The following PUDP variants were observed in gnomAD, a reference collection of about 807,000 sequenced individuals.
The protein encoded by PUDP is pseudouridine-5'-phosphatase.
In PUDP, 8 loss-of-function variants were observed where a neutral mutation model predicts 9.4. The observed-to-expected ratio is 0.85, with a 90% confidence interval of 0.50 to 1.53. The LOEUF is 1.53. Ranked by LOEUF, PUDP falls within the 40% of genes most tolerant of loss-of-function variation. The pLI, the probability that PUDP is intolerant of heterozygous loss-of-function variation, is 0.00. For missense variants in PUDP, 188 were observed against 189.7 expected (o/e 0.99, Z 0.05); for synonymous variants, 99 against 80.7 (o/e 1.23, Z -1.22).
intron 3 of PUDP, among the ~76,000 whole-genome samples, chrX:6,756,303 T>C (rs752059032): frequency 2.4e-4 from 27 of 112,368 alleles, no homozygotes; most frequent in Admixed American, 2.3e-3. Context: ...GCACTACTTA[T>C]AGTAGCTTAA....
intron 1 of PUDP, among the ~76,000 whole-genome samples, chrX:6,712,140 T>G (rs1386260079): frequency 9.0e-6 from 1 of 111,633 alleles, no homozygotes. Context: ...ATTTTAATAT[T>G]TATCTATTTA....
intron 3 of PUDP, among the ~76,000 whole-genome samples, chrX:6,830,419 T>TA (rs1926487114): frequency 8.9e-6 from 1 of 112,208 alleles, no homozygotes; most frequent in African/African-American, 3.2e-5. Context: ...AATTATGTGG[T>TA]ACTCATATAT....
intron 2 of PUDP, among the ~76,000 whole-genome samples, chrX:7,105,039 C>T (rs186328795): frequency 9.0e-6 from 1 of 111,227 alleles, no homozygotes; most frequent in Non-Finnish European, 1.9e-5. Context: ...TCAGGCAAGC[C>T]CGTTCTGATT....
At chrX:7,142,107 A>G (rs1487984928) in intron 1 of PUDP, among the ~76,000 whole-genome samples, 5 of 112,226 alleles carry the variant, frequency 4.5e-5, no homozygotes, top group African/African-American at 1.6e-4. Context: ...CAGCCCATGG[A>G]TTGAGGAGTA....
intron 3 of PUDP, among the ~76,000 whole-genome samples, chrX:6,968,496 T>C (rs1928820773): frequency 9.0e-6 from 1 of 111,240 alleles, no homozygotes; most frequent in African/African-American, 3.3e-5. Flanking sequence ...GTCTGTGATC[T>C]GGAGAGCTGA....
chrX:7,072,429 AT>A (rs1816132285), intron 3 of PUDP, among the ~76,000 whole-genome samples: 2 of 112,075 alleles, frequency 1.8e-5, no homozygotes, highest in African/African-American at 6.5e-5. Flanking sequence ...AACAAAAATA[AT>A]TTTTTTAAAA....
chrX:6,734,901 G>A (rs1468668718), intron 3 of PUDP, among the ~76,000 whole-genome samples: 2 of 112,031 alleles, frequency 1.8e-5, no homozygotes, highest in Non-Finnish European at 3.8e-5. Context: ...GACAAATTAC[G>A]TATAGGAGGC....
intron 3 of PUDP, 104 bp from the exon 4 acceptor site, chrX:7,050,576 G>T: frequency 2.7e-6 from 2 of 740,788 alleles, no homozygotes; most frequent in Non-Finnish European, 4.0e-6. Context: ...TGTGCAGAAA[G>T]AGACAGAATT....
intron 1 of PUDP, among the ~76,000 whole-genome samples, chrX:7,124,728 C>T (rs772417258): frequency 5.4e-5 from 6 of 111,060 alleles, no homozygotes; most frequent in Admixed American, 1.9e-4. Flanking sequence ...GGGTGGATCA[C>T]GAGGTCAGGA....
chrX:6,822,521 G>A (rs1926357965), intron 3 of PUDP, among the ~76,000 whole-genome samples: 1 of 111,537 alleles, frequency 9.0e-6, no homozygotes, highest in Non-Finnish European at 1.9e-5. Context: ...CCGCCTCCCG[G>A]GTTCAAGCTA....
chrX:7,138,835 T>C (rs1189442522), intron 1 of PUDP, among the ~76,000 whole-genome samples: 1 of 112,036 alleles, frequency 8.9e-6, no homozygotes, highest in African/African-American at 3.2e-5. Context: ...GAGAAATGCA[T>C]GTGTTAGGAT....
In PUDP at chrX:6,815,140, G is replaced by A. The variant is rs1211123478; in HGVS notation, c.*248-108674C>T. On this transcript the variant is annotated intron_variant and NMD_transcript_variant, in intron 3 of 3. Coordinates refer to the PUDP transcript ENST00000655425. ...GCTTGGGGGAAAAATCAGATTGTCAGAAAGGGTACCTAAATGATAACTTAT... is the reference window on the plus strand; with the variant it reads ...GCTTGGGGGAAAAATCAGATTGTCAAAAAGGGTACCTAAATGATAACTTAT... Among the ~76,000 whole-genome samples the A allele has an allele frequency of 8.5e-4, 80 of 94,426 alleles. 1 individual carries two copies. The highest frequency in any genetic ancestry group is 7.6e-3 in the Admixed American group (64 of 8,419). 82.0% of individuals were successfully genotyped at this position (94,426 alleles called of 115,157 possible).
intron 1 of PUDP, among the ~76,000 whole-genome samples, chrX:6,981,811 A>G (rs1418154594): frequency 9.0e-6 from 1 of 111,114 alleles, no homozygotes; most frequent in Non-Finnish European, 1.9e-5. Context: ...GATTGGACAC[A>G]GACCTTCAGA....
rs373074994 is a variant in PUDP, at chrX:6,779,505, T to C, written c.*248-73039A>G. Among the ~76,000 whole-genome samples, 8 of 112,103 alleles carry C rather than the reference T, an allele frequency of 7.1e-5. No individual in the cohort carries two copies. In the East Asian group the frequency reaches 1.4e-3, roughly 20 times the overall value. On this transcript the variant is annotated intron_variant and NMD_transcript_variant, in intron 3 of 3. Coordinates refer to the PUDP transcript ENST00000655425. The stretch of plus-strand genomic sequence containing the variant: ...TTCTACATTCTTGGACTTCCAACCC[T>C]AATCTAAAGCTCAGATTCCAAGCGT...
intron 3 of PUDP, among the ~76,000 whole-genome samples, chrX:6,755,410 T>C (rs1278331669): frequency 8.9e-6 from 1 of 111,767 alleles, no homozygotes; most frequent in East Asian, 2.8e-4. Flanking sequence ...TGAATGTCTA[T>C]ATTTCAGACA....
intron 1 of PUDP, chrX:7,147,721 A>G (rs1170932240): frequency 8.9e-6 from 1 of 112,532 alleles, no homozygotes; most frequent in Admixed American, 9.3e-5. Flanking sequence ...CGCTCTGAGG[A>G]GAGGACGCGG....
intron 1 of PUDP, among the ~76,000 whole-genome samples, chrX:6,706,853 C>T (rs1924476221): frequency 9.0e-6 from 1 of 111,477 alleles, no homozygotes. Context: ...ATCAGCATCC[C>T]CTTTATATTC....
At chrX:7,125,453 C>A (rs1185933521) in intron 1 of PUDP, among the ~76,000 whole-genome samples, 12 of 111,457 alleles carry the variant, frequency 1.1e-4, no homozygotes, top group African/African-American at 3.9e-4. Flanking sequence ...ACCCACATAT[C>A]CCTAGGCCTT....
At chrX:7,007,970 T>C (rs895696461) in intron 1 of PUDP, among the ~76,000 whole-genome samples, 1 of 110,586 alleles carries the variant, frequency 9.0e-6, no homozygotes, top group Non-Finnish European at 1.9e-5. Context: ...TAAAATTTTT[T>C]TTTTCTTTTT....
Sources: gnomAD v4.1 joint callset for allele counts (sites outside exome capture counted in the v4.1 genomes callset) on GRCh38, gnomAD v4.1.1 for gene constraint, MANE v1.5 for transcripts, NCBI Gene and HGNC (gene_info 2026-07-23, HGNC 2026-07-21) for gene names.